Variants in UBE2W observed in about 807,000 individuals in gnomAD.
UBE2W encodes ubiquitin-conjugating enzyme E2 W.
In UBE2W, 18 loss-of-function variants were observed where a neutral mutation model predicts 27.2. The observed-to-expected ratio is 0.66, with a 90% CI of 0.46 to 0.98. The LOEUF is 0.98. Among genes scored for constraint, UBE2W ranks in the 50% least tolerant of loss-of-function variants. UBE2W has a pLI of 0.00. For missense variants in UBE2W, 90 were observed against 180.2 expected (o/e 0.50, Z 2.87); for synonymous variants, 53 against 57.2 (o/e 0.93, Z 0.33).
At chr8:73,798,255 C>A (rs1808504120) in intron 5 of UBE2W, among the ~76,000 whole-genome samples, 1 of 152,140 alleles carries the variant, frequency 6.6e-6, no homozygotes, top group South Asian at 2.1e-4. Flanking sequence ...CATGATCATA[C>A]CACTGCACTC....
At chr8:73,875,823 G>C (rs1009884263) in intron 1 of UBE2W, among the ~76,000 whole-genome samples, 5 of 152,282 alleles carry the variant, frequency 3.3e-5, no homozygotes, top group African/African-American at 1.2e-4. Flanking sequence ...GCCGAGGCGA[G>C]TGGATCGCCT....
At chr8:73,794,586 T>G (rs1471501965) in intron 5 of UBE2W, among the ~76,000 whole-genome samples, 3 of 152,136 alleles carry the variant, frequency 2.0e-5, no homozygotes, top group Non-Finnish European at 4.4e-5. Flanking sequence ...AATAAACAGT[T>G]AAGATTAATT....
At chr8:73,828,205 A>AT (rs1423559021) in intron 2 of UBE2W, among the ~76,000 whole-genome samples, 2 of 152,054 alleles carry the variant, frequency 1.3e-5, no homozygotes, top group Non-Finnish European at 2.9e-5. Flanking sequence ...AAGCATTAGA[A>AT]TTTTTTTTAT....
intron 1 of UBE2W, among the ~76,000 whole-genome samples, chr8:73,840,682 T>C (rs558573492): frequency 2.0e-5 from 3 of 152,280 alleles, no homozygotes; most frequent in Non-Finnish European, 2.9e-5. Context: ...CCTGCCCCTT[T>C]TGCATACCAA....
chr8:73,874,059 C>T (rs1295598741), intron 1 of UBE2W, among the ~76,000 whole-genome samples: 1 of 152,094 alleles, frequency 6.6e-6, no homozygotes, highest in Non-Finnish European at 1.5e-5. Context: ...CAGTTAAATT[C>T]TAAAATCAGA....
chr8:73,850,538 A>G (rs1811027529), intron 1 of UBE2W, among the ~76,000 whole-genome samples: 1 of 152,168 alleles, frequency 6.6e-6, no homozygotes, highest in African/African-American at 2.4e-5. Flanking sequence ...ACAAAGATGG[A>G]TTAATCTTGA....
intron 1 of UBE2W, among the ~76,000 whole-genome samples, chr8:73,836,206 C>A (rs927498224): frequency 6.6e-6 from 1 of 152,072 alleles, no homozygotes; most frequent in Non-Finnish European, 1.5e-5. Flanking sequence ...CTGGACCATG[C>A]TTTTTTACTG....
At chr8:73,817,646 T>C (rs1437673710) in intron 3 of UBE2W, among the ~76,000 whole-genome samples, 4 of 152,146 alleles carry the variant, frequency 2.6e-5, no homozygotes, top group Non-Finnish European at 5.9e-5. Flanking sequence ...GCCTGCTGAA[T>C]TGCTGGGACT....
chr8:73,850,457 G>A (rs1466971349), intron 1 of UBE2W, among the ~76,000 whole-genome samples: 4 of 151,924 alleles, frequency 2.6e-5, no homozygotes, highest in South Asian at 4.1e-4. Flanking sequence ...AACATGTTAG[G>A]AGTAAAACTG....
chr8:73,820,192 T>C (rs1303451937), intron 3 of UBE2W, among the ~76,000 whole-genome samples: 2 of 152,314 alleles, frequency 1.3e-5, no homozygotes, highest in East Asian at 3.9e-4. Context: ...CCTAGAGGAC[T>C]GGTTCTAGCC....
chr8:73,855,059 G>C (rs1183689775), intron 1 of UBE2W, among the ~76,000 whole-genome samples: 2 of 152,202 alleles, frequency 1.3e-5, no homozygotes, highest in Non-Finnish European at 2.9e-5. Context: ...CAGTATGTAT[G>C]AAGCAGTTCA....
intron 1 of UBE2W, among the ~76,000 whole-genome samples, chr8:73,852,225 T>C (rs1328900142): frequency 1.3e-5 from 2 of 152,148 alleles, no homozygotes; most frequent in Non-Finnish European, 2.9e-5. Context: ...ACAATGACTA[T>C]TCCCTTTAAA....
At chr8:73,851,972 A>T (rs1017027760) in intron 1 of UBE2W, among the ~76,000 whole-genome samples, 5 of 150,798 alleles carry the variant, frequency 3.3e-5, no homozygotes, top group Non-Finnish European at 7.4e-5. Flanking sequence ...TTAAAAAAAA[A>T]AAAAAAGGAA....
At chr8:73,842,793 CT>C in intron 1 of UBE2W, among the ~76,000 whole-genome samples, 1 of 152,180 alleles carries the variant, frequency 6.6e-6, no homozygotes, top group African/African-American at 2.4e-5. Flanking sequence ...TATTATTTGG[CT>C]GTTTTACAAA....
intron 1 of UBE2W, among the ~76,000 whole-genome samples, chr8:73,852,467 G>C (rs1811120848): frequency 6.6e-6 from 1 of 152,134 alleles, no homozygotes; most frequent in African/African-American, 2.4e-5. Context: ...ATACAGTTCT[G>C]TATCTTTCTC....
Position 73,791,987 on chromosome 8 carries a change from A to T in UBE2W, c.*2115T>A, listed in dbSNP as rs985731566. 1.0e-6 allele frequency: 1 copy of T among 985,160 alleles called. No individual in the cohort carries two copies. The highest frequency in any genetic ancestry group is 1.7e-5 in the African/African-American group (1 of 57,246). 61.0% of individuals were successfully genotyped at this position (985,160 alleles called of 1,614,324 possible). ...CAGTATATTAATTCCTTTGGTGAAT[A>T]AATGTCACCGGTCATTTCTTTATAA... On this transcript the variant is annotated 3_prime_UTR_variant, in exon 6 of 6. Coordinates refer to ENST00000602593, the MANE Select transcript of UBE2W (RefSeq NM_018299.6).
chr8:73,790,927 T>C lies in UBE2W; in HGVS notation c.*3175A>G. 1 of 978,366 alleles carries C rather than the reference T, an allele frequency of 1.0e-6. No homozygotes were observed. The highest frequency in any genetic ancestry group is 1.2e-6 in the Non-Finnish European group (1 of 823,558). The allele number at this position is 978,366 out of a possible 1,614,324, so 60.6% of individuals were successfully genotyped here. ...CACAGGAATCTAATGATATATATAT[T>C]TGCATATATTTAAAATTTCATGAGG... On this transcript the variant is annotated 3_prime_UTR_variant, in exon 6 of 6. Transcript: ENST00000602593.
At chr8:73,806,587 T>C (rs1808918856) in intron 4 of UBE2W, among the ~76,000 whole-genome samples, 1 of 148,842 alleles carries the variant, frequency 6.7e-6, no homozygotes, top group South Asian at 2.1e-4. Context: ...GGCGGGCGCC[T>C]GTAGTCCCAG....
intron 1 of UBE2W, among the ~76,000 whole-genome samples, chr8:73,877,711 C>G (rs774771642): frequency 5.9e-5 from 9 of 152,170 alleles, no homozygotes; most frequent in Non-Finnish European, 4.4e-5. Context: ...AGCTGACACT[C>G]CTATTGAGCG....
Sources: allele counts gnomAD v4.1 joint callset (sites outside exome capture counted in the v4.1 genomes callset), GRCh38; gene constraint gnomAD v4.1.1; transcripts MANE v1.5; gene names NCBI Gene and HGNC (gene_info 2026-07-23, HGNC 2026-07-21).